NELL1: variants seen among roughly 807,000 people sequenced by gnomAD.
The protein encoded by NELL1 is protein kinase C-binding protein NELL1.
In NELL1, 76 loss-of-function variants were observed where a neutral mutation model predicts 107.4. That is an observed-to-expected ratio of 0.71 (90% CI 0.59 to 0.86). The LOEUF is 0.86. NELL1 is among the 40% of genes least tolerant of loss of function. The pLI, the probability that NELL1 is intolerant of heterozygous loss-of-function variation, is 0.00. For missense variants in NELL1, 1,024 were observed against 1,005.5 expected (o/e 1.02, Z -0.25); for synonymous variants, 353 against 341.2 (o/e 1.03, Z -0.38).
At chr11:21,285,030 A>C (rs1590804391) in intron 14 of NELL1, 1 of 156,852 alleles carries the variant, frequency 6.4e-6, no homozygotes, top group Admixed American at 6.1e-5. Context: ...TGCTTTAAAA[A>C]CCCTAGCCAG....
chr11:20,686,802 G>A lies in NELL1; in HGVS notation c.184+8742G>A, dbSNP rs146018855. Among the ~76,000 whole-genome samples the A allele has an allele frequency of 3.5e-3, 530 of 152,176 alleles. 3 individuals are homozygous for A. The highest frequency in any genetic ancestry group is 0.012 in the African/African-American group (497 of 41,528). On this transcript the variant is annotated intron_variant, in intron 2 of 19. Coordinates refer to ENST00000357134, the MANE Select transcript of NELL1 (RefSeq NM_006157.5). ...TTAATTTAACAATTCTCCCCTTTCA[G>A]TGCCCTCTCCAAGTAGAGAAGCTGA...
intron 7 of NELL1, among the ~76,000 whole-genome samples, chr11:20,921,953 G>T (rs917972957): frequency 6.6e-6 from 1 of 152,022 alleles, no homozygotes; most frequent in African/African-American, 2.4e-5. Flanking sequence ...CCTAGGAAAG[G>T]CCAGGTGAAG....
intron 12 of NELL1, among the ~76,000 whole-genome samples, chr11:21,044,992 T>C (rs952698926): frequency 1.3e-5 from 2 of 152,116 alleles, no homozygotes; most frequent in Admixed American, 1.3e-4. Context: ...GAAAGTTGAG[T>C]TCAAAAAAGT....
intron 3 of NELL1, among the ~76,000 whole-genome samples, chr11:20,847,268 T>C (rs549412986): frequency 1.3e-5 from 2 of 152,302 alleles, no homozygotes; most frequent in African/African-American, 4.8e-5. Flanking sequence ...TAGACATTCA[T>C]GGAATGAGGG....
intron 4 of NELL1, among the ~76,000 whole-genome samples, chr11:20,873,938 A>AT (rs1286773336): frequency 6.6e-6 from 1 of 151,574 alleles, no homozygotes; most frequent in Non-Finnish European, 1.5e-5. Context: ...TAACTTTTTT[A>AT]TTTTTTGTAG....
At chr11:20,735,176 G>A (rs1012961376) in intron 2 of NELL1, among the ~76,000 whole-genome samples, 2 of 152,182 alleles carry the variant, frequency 1.3e-5, no homozygotes, top group African/African-American at 4.8e-5. Flanking sequence ...GTGGTGAGCA[G>A]TCGGGTCAAA....
chr11:21,415,297 G>T (rs1297454200), intron 15 of NELL1, among the ~76,000 whole-genome samples: 1 of 152,100 alleles, frequency 6.6e-6, no homozygotes, highest in East Asian at 1.9e-4. Flanking sequence ...GTCCAGAGGT[G>T]CACAGCCTGT....
At chr11:20,885,634 T>C in intron 5 of NELL1, 94 bp downstream of exon 5, 1 of 789,774 alleles carries the variant, frequency 1.3e-6, no homozygotes, top group South Asian at 1.5e-5. Context: ...ATTACATTAG[T>C]GGGAAGGGCA....
At chr11:21,367,025 C>T (rs1237814374) in intron 14 of NELL1, among the ~76,000 whole-genome samples, 1 of 151,376 alleles carries the variant, frequency 6.6e-6, no homozygotes, top group Non-Finnish European at 1.5e-5. Context: ...CCTTAATACC[C>T]ACATTTTATT....
At chr11:21,504,941 C>G (rs1855242560) in intron 15 of NELL1, among the ~76,000 whole-genome samples, 1 of 152,150 alleles carries the variant, frequency 6.6e-6, no homozygotes, top group Admixed American at 6.5e-5. Flanking sequence ...AGCTAAAAGT[C>G]ATGTTTAAAG....
chr11:21,356,962 G>A (rs141866027), intron 14 of NELL1, among the ~76,000 whole-genome samples: 67 of 152,250 alleles, frequency 4.4e-4, no homozygotes, highest in Middle Eastern at 6.8e-3. Flanking sequence ...CTCCATGTAG[G>A]TTGCTGCAAA....
chr11:21,408,872 C>T (rs565209579), intron 15 of NELL1, among the ~76,000 whole-genome samples: 47 of 152,008 alleles, frequency 3.1e-4, no homozygotes, highest in African/African-American at 1.1e-3. Context: ...AAATCAAAAC[C>T]ACAATGAGAT....
intron 2 of NELL1, among the ~76,000 whole-genome samples, chr11:20,692,134 C>T (rs1481052708): frequency 6.6e-6 from 1 of 151,530 alleles, no homozygotes; most frequent in African/African-American, 2.4e-5. Flanking sequence ...GGTGATATCC[C>T]CTTTATCATT....
chr11:20,694,168 T>C (rs967037557), intron 2 of NELL1, among the ~76,000 whole-genome samples: 1 of 152,138 alleles, frequency 6.6e-6, no homozygotes. Flanking sequence ...GTATTGGTTA[T>C]TCTAGTTATA....
At chr11:21,165,888 G>A (rs947810031) in intron 13 of NELL1, among the ~76,000 whole-genome samples, 2 of 148,734 alleles carry the variant, frequency 1.3e-5, no homozygotes, top group East Asian at 2.0e-4. Flanking sequence ...TCAGCCTCCC[G>A]AGTAGCTGGG....
chr11:21,019,602 G>C (rs1437653323), intron 12 of NELL1, among the ~76,000 whole-genome samples: 1 of 152,080 alleles, frequency 6.6e-6, no homozygotes, highest in Admixed American at 6.6e-5. Flanking sequence ...GAAGGAGGGA[G>C]TGCTCCTGGC....
chr11:20,871,243 G>A (rs947165197), intron 4 of NELL1, among the ~76,000 whole-genome samples: 1 of 152,196 alleles, frequency 6.6e-6, no homozygotes, highest in African/African-American at 2.4e-5. Flanking sequence ...CAAAAGGAGA[G>A]GAACTTTTGA....
At position 20,907,940 on chromosome 11, in the gene NELL1, C is replaced by T. The variant is rs185926406; in HGVS notation, c.604-10242C>T. On this transcript the variant is annotated intron_variant, in intron 5 of 19. Transcript: ENST00000357134. ...GGAAGACATTTACACGGCCAAAAAA[C>T]GTATGAAAAAGAGTTAAACATCACT... is the stretch of plus-strand genomic sequence containing the variant. Among the ~76,000 whole-genome samples, 20 of 152,110 alleles carry T rather than the reference C, an allele frequency of 1.3e-4. No homozygotes were observed. In the East Asian group the frequency reaches 3.1e-3, roughly 24 times the overall value.
intron 13 of NELL1, among the ~76,000 whole-genome samples, chr11:21,159,879 G>A (rs375975302): frequency 6.6e-6 from 1 of 152,286 alleles, no homozygotes; most frequent in South Asian, 2.1e-4. Context: ...ACTATGTTCA[G>A]TTTTAGGATT....
Sources: gnomAD v4.1 joint callset for allele counts (sites outside exome capture counted in the v4.1 genomes callset) on GRCh38, gnomAD v4.1.1 for gene constraint, MANE v1.5 for transcripts, NCBI Gene and HGNC (gene_info 2026-07-23, HGNC 2026-07-21) for gene names.